AQR: variants seen among roughly 807,000 people sequenced by gnomAD.
AQR encodes RNA helicase aquarius.
Under a neutral mutation model 180.5 loss-of-function variants are expected in AQR, and 61 were observed. The ratio of observed to expected loss-of-function variants is 0.34; its 90% CI spans 0.28 to 0.42. The LOEUF (loss-of-function observed/expected upper bound fraction) is 0.42, where lower values mean the gene tolerates loss of function less well. Ranked by LOEUF, AQR falls within the 10% of genes least tolerant of loss-of-function variation. The pLI, the probability that AQR is intolerant of heterozygous loss-of-function variation, is 1.00. For missense variants in AQR, 1,281 were observed against 1,798.3 expected, an observed-to-expected ratio of 0.71 and a Z score of 5.20; for synonymous variants, 551 against 588.8, an observed-to-expected ratio of 0.94 and a Z score of 0.93.
chr15:34,946,716 G>GC (rs1340850971), intron 5 of AQR, among the ~76,000 whole-genome samples: 7 of 132,564 alleles, frequency 5.3e-5, no homozygotes, highest in Non-Finnish European at 9.7e-5. Context: ...GGGGGGGTCA[G>GC]CCCCCCACCC....
intron 10 of AQR, among the ~76,000 whole-genome samples, chr15:34,932,636 T>TAAAAAC (rs1178574629): frequency 1.3e-5 from 2 of 152,150 alleles, no homozygotes; most frequent in East Asian, 3.9e-4. Flanking sequence ...TTAAAAACAA[T>TAAAAAC]AATGATGATA....
chr15:34,881,416 T>C (rs1566981371), intron 27 of AQR, among the ~76,000 whole-genome samples: 1 of 152,332 alleles, frequency 6.6e-6, no homozygotes, highest in Non-Finnish European at 1.5e-5. Context: ...AACAAGTGAA[T>C]TACTAATTTT....
intron 11 of AQR, 112 bp from the exon 12 acceptor site, chr15:34,930,483 C>A: frequency 1.7e-6 from 1 of 592,156 alleles, no homozygotes; most frequent in South Asian, 2.9e-5. Context: ...GCTGAAAAAA[C>A]TCAGGAATGT....
At chr15:34,858,159 T>C (rs999045238) in intron 34 of AQR, among the ~76,000 whole-genome samples, 4 of 151,938 alleles carry the variant, frequency 2.6e-5, no homozygotes, top group African/African-American at 9.7e-5. Flanking sequence ...AATTTTTGTA[T>C]TTTTAGTAGA....
intron 3 of AQR, among the ~76,000 whole-genome samples, chr15:34,957,256 A>C (rs540626143): frequency 6.6e-6 from 1 of 152,028 alleles, no homozygotes; most frequent in African/African-American, 2.4e-5. Context: ...TCCCGGGTTC[A>C]AGCGATTCTC....
chr15:34,887,279 T>C (rs1330295475), intron 24 of AQR, among the ~76,000 whole-genome samples: 1 of 152,160 alleles, frequency 6.6e-6, no homozygotes, highest in Non-Finnish European at 1.5e-5. Flanking sequence ...CAAGACACTT[T>C]CACAAAGAAG....
chr15:34,885,509 T>G (rs1893046709), intron 25 of AQR, among the ~76,000 whole-genome samples: 1 of 152,196 alleles, frequency 6.6e-6, no homozygotes, highest in Non-Finnish European at 1.5e-5. Context: ...TAAACAACTT[T>G]CCTGATATGA....
chr15:34,893,590 T>TGC, intron 23 of AQR, 73 bp downstream of exon 23: 1 of 1,317,056 alleles, frequency 7.6e-7, no homozygotes, highest in East Asian at 2.4e-5. Flanking sequence ...TGCATACCCA[T>TGC]GTGCATGCGC....
chr15:34,920,972 T>C (rs1450799469), intron 13 of AQR, among the ~76,000 whole-genome samples: 1 of 150,924 alleles, frequency 6.6e-6, no homozygotes. Context: ...ATAATAACAA[T>C]AATAATAACA....
chr15:34,932,530 T>A, intron 10 of AQR, 96 bp from the exon 11 acceptor site: 1 of 877,852 alleles, frequency 1.1e-6, no homozygotes, highest in Admixed American at 2.6e-5. Flanking sequence ...ATTAATCACA[T>A]ACAAGGTACC....
intron 25 of AQR, among the ~76,000 whole-genome samples, chr15:34,885,222 T>C (rs1893041448): frequency 6.6e-6 from 1 of 152,212 alleles, no homozygotes; most frequent in Admixed American, 6.5e-5. Context: ...AAAGAACGTC[T>C]GGTTAAGCTG....
chr15:34,956,807 C>T (rs557536540), intron 3 of AQR, among the ~76,000 whole-genome samples: 6 of 151,500 alleles, frequency 4.0e-5, no homozygotes, highest in Non-Finnish European at 8.8e-5. Context: ...CTTCAGTTTC[C>T]TCATCCATAA....
chr15:34,875,260 C>G (rs1892874350), intron 28 of AQR, among the ~76,000 whole-genome samples: 1 of 152,162 alleles, frequency 6.6e-6, no homozygotes, highest in Admixed American at 6.6e-5. Context: ...AGGACCAATT[C>G]TGAACCCACC....
intron 4 of AQR, among the ~76,000 whole-genome samples, chr15:34,951,692 A>T (rs1894236308): frequency 6.7e-6 from 1 of 150,294 alleles, no homozygotes; most frequent in Non-Finnish European, 1.5e-5. Context: ...AAAAAAATTC[A>T]CTGTCATTGA....
chr15:34,886,688 C>A (rs767676211), intron 24 of AQR, 27 bp from the exon 25 acceptor site: 1 of 1,583,466 alleles, frequency 6.3e-7, no homozygotes, highest in Non-Finnish European at 8.5e-7. Flanking sequence ...GGCAAAATGA[C>A]AAAACTGTAA....
intron 4 of AQR, among the ~76,000 whole-genome samples, chr15:34,949,653 C>T (rs1595808490): frequency 7.4e-6 from 1 of 135,368 alleles, no homozygotes; most frequent in Non-Finnish European, 1.6e-5. Flanking sequence ...ACCTGACAAA[C>T]ATCAGTTCTA....
Position 34,867,553 on chromosome 15 carries a change from C to T in AQR, c.3825G>A (p.Leu1275=). The T allele has an allele frequency of 6.2e-7, 1 of 1,612,324 alleles. No homozygotes were observed. The highest frequency in any genetic ancestry group is 8.5e-7 in the Non-Finnish European group (1 of 1,179,242). ...GATGGCCCACTGCCCTGGTTCGTAC[C>T]AGAGAAAGAAGAATATAGTCATTCT... is the stretch of plus-strand genomic sequence containing the variant. ...GQQNDYILLS[L]VRTRAVGHLR... Residue 1275 remains leucine (L), a synonymous_variant, in exon 32 of 35, where the codon CTG becomes CTA. Coordinates refer to ENST00000156471, the MANE Select transcript of AQR (RefSeq NM_014691.3).
At chr15:34,906,814 G>C in intron 17 of AQR, 102 bp from the exon 18 acceptor site, 1 of 1,150,134 alleles carries the variant, frequency 8.7e-7, no homozygotes, top group Non-Finnish European at 1.2e-6. Context: ...CTTTGGTAGA[G>C]AGATACCGTT....
At chr15:34,887,513 T>C (rs1237049398) in intron 24 of AQR, among the ~76,000 whole-genome samples, 1 of 152,252 alleles carries the variant, frequency 6.6e-6, no homozygotes, top group Non-Finnish European at 1.5e-5. Flanking sequence ...TAATGTTTGC[T>C]GAATCAGTAA....
Sources: allele counts gnomAD v4.1 joint callset (sites outside exome capture counted in the v4.1 genomes callset), GRCh38; gene constraint gnomAD v4.1.1; transcripts MANE v1.5; gene names NCBI Gene and HGNC (gene_info 2026-07-23, HGNC 2026-07-21).